Variants in DAB2IP observed in about 807,000 individuals in gnomAD.
DAB2IP encodes the protein DAB2 interacting protein.
Under a neutral mutation model 107.2 loss-of-function variants are expected in DAB2IP, and 28 were observed. The observed-to-expected ratio is 0.26, with a 90% confidence interval of 0.19 to 0.36. The LOEUF (loss-of-function observed/expected upper bound fraction) is 0.36. Ranked by LOEUF, DAB2IP falls within the 10% of genes least tolerant of loss-of-function variation. The pLI, the probability that DAB2IP is intolerant of heterozygous loss-of-function variation, is 1.00. For missense variants in DAB2IP, 1,400 were observed against 1,644.7 expected (o/e 0.85, Z 2.57); for synonymous variants, 755 against 706.4 (o/e 1.07, Z -1.09).
intron 2 of DAB2IP, among the ~76,000 whole-genome samples, chr9:121,687,259 A>T (rs1421320264): frequency 6.6e-6 from 1 of 152,196 alleles, no homozygotes; most frequent in Non-Finnish European, 1.5e-5. Flanking sequence ...TGGCTGTGCC[A>T]GCTGGGCCTA....
intron 1 of DAB2IP, among the ~76,000 whole-genome samples, chr9:121,615,251 T>C (rs1262963158): frequency 2.6e-5 from 4 of 152,218 alleles, no homozygotes; most frequent in Non-Finnish European, 5.9e-5. Flanking sequence ...TTTTGTATAG[T>C]ACCAATCCAT....
At chr9:121,681,338 C>G (rs1408222530) in intron 2 of DAB2IP, among the ~76,000 whole-genome samples, 1 of 152,146 alleles carries the variant, frequency 6.6e-6, no homozygotes, top group Non-Finnish European at 1.5e-5. Context: ...ATTATCACAC[C>G]TTAAAGTTTT....
chr9:121,707,758 C>T (rs1265890564), intron 3 of DAB2IP, among the ~76,000 whole-genome samples: 1 of 152,170 alleles, frequency 6.6e-6, no homozygotes, highest in Non-Finnish European at 1.5e-5. Context: ...ATAATCAGAA[C>T]GTTGTATTGC....
At chr9:121,683,947 G>C (rs1402837620) in intron 2 of DAB2IP, among the ~76,000 whole-genome samples, 1 of 151,956 alleles carries the variant, frequency 6.6e-6, no homozygotes, top group Non-Finnish European at 1.5e-5. Context: ...AAGAGTGAGA[G>C]ACCTTGGTGG....
intron 6 of DAB2IP, 36 bp from the exon 7 acceptor site, chr9:121,763,469 C>A: frequency 6.3e-7 from 1 of 1,589,538 alleles, no homozygotes; most frequent in Non-Finnish European, 8.6e-7. Context: ...GCCAGGCCAG[C>A]TCAGGTCCTG....
At chr9:121,638,741 C>T (rs1020999668) in intron 1 of DAB2IP, among the ~76,000 whole-genome samples, 16 of 151,416 alleles carry the variant, frequency 1.1e-4, no homozygotes, top group Admixed American at 7.9e-4. Context: ...GGGGACAGTT[C>T]GGGGGGATGG....
Position 121,699,570 on chromosome 9 carries a change from G to A in DAB2IP, c.362+112G>A. 2 of 995,796 alleles carry A rather than the reference G, an allele frequency of 2.0e-6. No individual in the cohort carries two copies. The highest frequency in any genetic ancestry group is 1.7e-5 in the African/African-American group (1 of 57,930). The allele number at this position is 995,796 out of a possible 1,614,324, so 61.7% of individuals were successfully genotyped here. On this transcript the variant is annotated intron_variant, in intron 3 of 15. Transcript: ENST00000408936. The surrounding 1 kb of genome is among the most constrained non-coding windows in gnomAD (Gnocchi z 6.2). ...CGGGGCGAGCCACACGGCGGTGGGG[G>A]GACCCCACGCCGCCCGCCGGGAACT...
chr9:121,724,180 CT>C (rs1411585417), intron 3 of DAB2IP, among the ~76,000 whole-genome samples: 1 of 152,116 alleles, frequency 6.6e-6, no homozygotes, highest in Non-Finnish European at 1.5e-5. Context: ...ACTTGCTCCC[CT>C]TTCAGTCAGT....
rs1834831131 is a variant in DAB2IP, at chr9:121,772,457, C to T, written c.2079-150C>T. ...CTCTGGTCCCCGGATTCTCCCACTC[C>T]TGCCACCCCAGCGCATCCATCTCCC... is the stretch of plus-strand genomic sequence containing the variant. On this transcript the variant is annotated intron_variant, in intron 11 of 15. Transcript: ENST00000408936. This position sits in a 1 kb window ranked among gnomAD's most constrained non-coding sequence, Gnocchi z 4.7. The T allele has an allele frequency of 1.2e-6, 1 of 827,088 alleles. No homozygotes were observed. The highest frequency in any genetic ancestry group is 1.9e-6 in the Non-Finnish European group (1 of 524,674). The allele number at this position is 827,088 out of a possible 1,614,324, so 51.2% of individuals were successfully genotyped here.
chr9:121,734,148 C>T (rs1159171759), intron 3 of DAB2IP, among the ~76,000 whole-genome samples: 5 of 140,570 alleles, frequency 3.6e-5, no homozygotes, highest in South Asian at 4.2e-4. Flanking sequence ...GAGGCCGAGG[C>T]GGGTGGATCA....
chr9:121,741,888 A>G (rs1357917044), intron 3 of DAB2IP, among the ~76,000 whole-genome samples: 1 of 151,612 alleles, frequency 6.6e-6, no homozygotes, highest in Non-Finnish European at 1.5e-5. Context: ...TTGAGGAGGA[A>G]ACAGAGAGGC....
chr9:121,678,647 G>A (rs1174844593), intron 1 of DAB2IP, 31 bp from the exon 2 acceptor site: 8 of 1,474,836 alleles, frequency 5.4e-6, no homozygotes, highest in South Asian at 1.3e-5. Context: ...GGCTGTTCTT[G>A]TTCAACCTCT....
At chr9:121,778,453 G>A (rs1207183575) in intron 14 of DAB2IP, among the ~76,000 whole-genome samples, 1 of 152,172 alleles carries the variant, frequency 6.6e-6, no homozygotes, top group Non-Finnish European at 1.5e-5. Flanking sequence ...TTTTATTGGA[G>A]TGTTTTGACC....
At chr9:121,616,527 G>A (rs548347822) in intron 1 of DAB2IP, among the ~76,000 whole-genome samples, 3 of 152,166 alleles carry the variant, frequency 2.0e-5, no homozygotes, top group Non-Finnish European at 4.4e-5. Context: ...GGTGGTAGTT[G>A]GTGACAGGGA....
Position 121,678,275 on chromosome 9 carries a change from G to A in DAB2IP, c.125-403G>A, listed in dbSNP as rs374463312. 5.9e-5 allele frequency among the ~76,000 whole-genome samples: 9 copies of A among 152,300 alleles called. No individual in the cohort carries two copies. In the East Asian group the frequency reaches 7.7e-4, roughly 13 times the overall value. On this transcript the variant is annotated intron_variant, in intron 1 of 15. Transcript: ENST00000408936. The stretch of plus-strand genomic sequence containing the variant: ...AATATGTCCTTTTGGGTTACTCAGC[G>A]TAATGTTTTCAAGGTCCATCCACAT...
rs1830391856 is a variant in DAB2IP, at chr9:121,589,925, C to CTTCCT, written c.40+22701_40+22702insTTTCC. On this transcript the variant is annotated intron_variant, in intron 1 of 16. Transcript: ENST00000259371. ...CTTCTGCCCAGTCCTGCTCCCTTCC[C>CTTCCT]TTCCCTTCCCTTCCCTTCCCTTCCC... Among the ~76,000 whole-genome samples the CTTCCT allele has an allele frequency of 4.9e-4, 22 of 45,272 alleles. No individual in the cohort carries two copies. In the South Asian group the frequency reaches 0.012, roughly 25 times the overall value. The allele number at this position is 45,272 out of a possible 152,430, so 29.7% of individuals were successfully genotyped here.
intron 1 of DAB2IP, among the ~76,000 whole-genome samples, chr9:121,673,517 G>GA (rs532514469): frequency 4.0e-5 from 6 of 151,590 alleles, no homozygotes; most frequent in Non-Finnish European, 5.9e-5. Context: ...GCTAGAAGAT[G>GA]AAAAAAAACC....
chr9:121,756,450 C>T lies in DAB2IP; in HGVS notation c.363-563C>T, dbSNP rs147047291. On this transcript the variant is annotated intron_variant, in intron 3 of 15. Coordinates refer to ENST00000408936, the Ensembl canonical transcript of DAB2IP. Reference sequence around the variant, plus strand: ...GCTGCATCCCTTCTGCTTCGAGACTCGCCTCGCCTCGCTGTCCTCATCTGT... The same window carrying T: ...GCTGCATCCCTTCTGCTTCGAGACTTGCCTCGCCTCGCTGTCCTCATCTGT... 3.3e-5 allele frequency among the ~76,000 whole-genome samples: 5 copies of T among 152,324 alleles called. No homozygotes were observed. The South Asian group carries it at 6.2e-4, about 19-fold the overall frequency.
Position 121,782,680 on chromosome 9 carries a change from C to A in DAB2IP, c.*182C>A. On this transcript the variant is annotated 3_prime_UTR_variant, in exon 16 of 16. Coordinates refer to ENST00000408936, the Ensembl canonical transcript of DAB2IP. The surrounding 1 kb of genome is among the most constrained non-coding windows in gnomAD (Gnocchi z 6.1). ...AGGGAGCCACCAGAGACTGAAGCAG[C>A]GTGAGGCGAGGTCACCAGCCGCTCC... 1 of 1,429,456 alleles carries A rather than the reference C, an allele frequency of 7.0e-7. No individual in the cohort carries two copies. The highest frequency in any genetic ancestry group is 9.1e-7 in the Non-Finnish European group (1 of 1,095,616). 88.5% of individuals were successfully genotyped at this position (1,429,456 alleles called of 1,614,324 possible). A position where few individuals can be genotyped will look rare whatever the true frequency, so the allele number is the denominator to read the frequency against.
Sources: allele counts gnomAD v4.1 joint callset (sites outside exome capture counted in the v4.1 genomes callset), GRCh38; gene constraint gnomAD v4.1.1; non-coding constraint Gnocchi (gnomAD v3.1); transcripts MANE v1.5; gene names NCBI Gene and HGNC (gene_info 2026-07-23, HGNC 2026-07-21).